The following ARHGAP10 variants were observed in gnomAD, a reference collection of about 807,000 sequenced individuals.
ARHGAP10 encodes rho GTPase-activating protein 10.
ARHGAP10 carries 87 observed loss-of-function variants against 108.6 expected under a neutral mutation model. The ratio of observed to expected loss-of-function variants is 0.80; its 90% CI spans 0.67 to 0.96. The LOEUF (loss-of-function observed/expected upper bound fraction) is 0.96, where lower values mean the gene tolerates loss of function less well. Among genes scored for constraint, ARHGAP10 ranks in the 40% least tolerant of loss-of-function variants. The pLI is 0.00. For synonymous variants in ARHGAP10, 347 were observed against 341.1 expected (o/e 1.02, Z -0.19); for missense variants, 939 against 954.5 (o/e 0.98, Z 0.21).
chr4:147,990,667 A>C (rs543963171), intron 18 of ARHGAP10, among the ~76,000 whole-genome samples: 4 of 152,220 alleles, frequency 2.6e-5, no homozygotes, highest in Non-Finnish European at 5.9e-5. Context: ...TAAGTGAACT[A>C]ACATAGGAAC....
At chr4:147,900,434 G>A (rs772937721) in intron 10 of ARHGAP10, among the ~76,000 whole-genome samples, 1 of 152,136 alleles carries the variant, frequency 6.6e-6, no homozygotes, top group Non-Finnish European at 1.5e-5. Flanking sequence ...AGATTATCCT[G>A]GCAGCTTGCC....
rs1399748184 is a variant in ARHGAP10, at chr4:147,912,586, T to G, written c.1163-488T>G. On this transcript the variant is annotated intron_variant, in intron 12 of 22. Transcript: ENST00000336498. ...ATATATATATATATATATATATATA[T>G]ATATATATATATAAAATTCCTGTGT... 3.4e-4 allele frequency among the ~76,000 whole-genome samples: 40 copies of G among 118,838 alleles called. 1 individual carries two copies. The highest frequency in any genetic ancestry group is 4.0e-4 in the Non-Finnish European group (25 of 62,000). The allele number at this position is 118,838 out of a possible 152,430, so 78.0% of individuals were successfully genotyped here. A position where few individuals can be genotyped will look rare whatever the true frequency, so the allele number is the denominator to read the frequency against.
intron 1 of ARHGAP10, among the ~76,000 whole-genome samples, chr4:147,735,663 G>C (rs1728386282): frequency 6.6e-6 from 1 of 152,212 alleles, no homozygotes; most frequent in Non-Finnish European, 1.5e-5. Context: ...AGATGGTTTA[G>C]AGACAGTATC....
At chr4:147,885,094 T>G (rs1190716005) in intron 10 of ARHGAP10, among the ~76,000 whole-genome samples, 2 of 151,624 alleles carry the variant, frequency 1.3e-5, no homozygotes, top group African/African-American at 2.4e-5. Context: ...GGGGAAGGTT[T>G]CTGGCTTGAG....
intron 3 of ARHGAP10, among the ~76,000 whole-genome samples, chr4:147,839,656 C>G (rs1029160483): frequency 1.3e-5 from 2 of 152,192 alleles, no homozygotes; most frequent in Non-Finnish European, 2.9e-5. Flanking sequence ...GACATCAGAA[C>G]TTAGACTTTG....
intron 10 of ARHGAP10, among the ~76,000 whole-genome samples, chr4:147,903,587 C>A (rs1266146278): frequency 6.6e-6 from 1 of 152,162 alleles, no homozygotes; most frequent in African/African-American, 2.4e-5. Context: ...TTTCACTGCC[C>A]TAAAAATCTT....
chr4:148,068,688 C>T (rs750895759), intron 22 of ARHGAP10, among the ~76,000 whole-genome samples: 7 of 152,164 alleles, frequency 4.6e-5, no homozygotes, highest in Non-Finnish European at 5.9e-5. Flanking sequence ...CTGGTTGCCT[C>T]GGGGTGGGAG....
At position 147,744,423 on chromosome 4, in the gene ARHGAP10, A is replaced by G. The variant is rs567908770; in HGVS notation, c.154+11968A>G. Among the ~76,000 whole-genome samples, 4 of 152,108 alleles carry G rather than the reference A, an allele frequency of 2.6e-5. No homozygotes were observed. In the East Asian group the frequency reaches 5.8e-4, roughly 22 times the overall value. ...AAGAAGGCCCTTGGAAAGCAGGTTG[A>G]GGGCTTTACTCTAAGGACAGTAGGA... is the stretch of plus-strand genomic sequence containing the variant. On this transcript the variant is annotated intron_variant, in intron 1 of 22. Coordinates refer to ENST00000336498, the MANE Select transcript of ARHGAP10 (RefSeq NM_024605.4).
intron 13 of ARHGAP10, among the ~76,000 whole-genome samples, chr4:147,929,044 A>T (rs1372042797): frequency 6.6e-6 from 1 of 152,208 alleles, no homozygotes; most frequent in Admixed American, 6.5e-5. Context: ...TTAACTTGTA[A>T]TAATTTATAT....
At chr4:147,896,364 T>C (rs1444167007) in intron 10 of ARHGAP10, among the ~76,000 whole-genome samples, 4 of 152,212 alleles carry the variant, frequency 2.6e-5, no homozygotes, top group Non-Finnish European at 5.9e-5. Flanking sequence ...AAATTTTAAA[T>C]TCATTTTATT....
chr4:148,064,510 A>T lies in ARHGAP10; in HGVS notation c.2272+3A>T. 6.2e-7 allele frequency: 1 copy of T among 1,613,392 alleles called. No individual in the cohort carries two copies. The highest frequency in any genetic ancestry group is 8.5e-7 in the Non-Finnish European group (1 of 1,179,320). On this transcript the variant is annotated splice_donor_region_variant and intron_variant, in intron 22 of 22. Transcript: ENST00000336498. ...AATAGGAGCAATTTTTGAGGATGGTAAGTGTTAGTGGGAGCTTCGTCTGTT... is the reference window on the plus strand; with the variant it reads ...AATAGGAGCAATTTTTGAGGATGGTTAGTGTTAGTGGGAGCTTCGTCTGTT...
chr4:147,978,034 A>G (rs1164176135), intron 18 of ARHGAP10, among the ~76,000 whole-genome samples: 1 of 152,164 alleles, frequency 6.6e-6, no homozygotes, highest in African/African-American at 2.4e-5. Flanking sequence ...CGTGGTGTAT[A>G]TGTACCACAT....
chr4:148,060,220 G>A (rs975694300), intron 20 of ARHGAP10, among the ~76,000 whole-genome samples: 11 of 151,818 alleles, frequency 7.2e-5, no homozygotes, highest in Non-Finnish European at 1.2e-4. Flanking sequence ...TTCCTCTACC[G>A]TTTTTTGAGA....
At chr4:147,921,301 C>G (rs561673474) in intron 13 of ARHGAP10, among the ~76,000 whole-genome samples, 1 of 152,166 alleles carries the variant, frequency 6.6e-6, no homozygotes, top group African/African-American at 2.4e-5. Flanking sequence ...GATCTCATAA[C>G]GTATATCAGG....
rs558149671 is a variant in ARHGAP10 at position 148,047,036 on chromosome 4, A to T, written c.2012A>T (p.Asp671Val). 6.2e-7 allele frequency: 1 copy of T among 1,614,104 alleles called. No individual in the cohort carries two copies. Among genetic ancestry groups the T allele is most frequent in the Admixed American group, 1.7e-5 (1 of 60,004 alleles). Residue 671 changes from aspartate (D) to valine (V), a missense_variant, in exon 20 of 23, where the codon GAC (aspartate) becomes GTC (valine). Transcript: ENST00000336498. ...HLLADGGSFG[D>V]WASTIPGQTR... is the part of the protein sequence containing the mutation. ...CTGGCAGATGGAGGGAGCTTTGGAGACTGGGCATCCACTATGTAAGTAACC... is the reference window on the plus strand; with the variant it reads ...CTGGCAGATGGAGGGAGCTTTGGAGTCTGGGCATCCACTATGTAAGTAACC...
intron 1 of ARHGAP10, among the ~76,000 whole-genome samples, chr4:147,791,716 CT>C (rs1423499683): frequency 1.3e-5 from 2 of 152,090 alleles, no homozygotes; most frequent in African/African-American, 4.8e-5. Context: ...TCCCGAGTAG[CT>C]GAGATTATAG....
rs968685715 is a variant in ARHGAP10, at chr4:147,782,007, G to A, written c.155-40720G>A. On this transcript the variant is annotated intron_variant, in intron 1 of 22. Coordinates refer to ENST00000336498, the MANE Select transcript of ARHGAP10 (RefSeq NM_024605.4). Reference sequence around the variant, plus strand: ...TAAAATAAGTGGCTTTTAAAAAGTCGCTGAATAGTTTTACCGCTTAGTATG... The same window carrying A: ...TAAAATAAGTGGCTTTTAAAAAGTCACTGAATAGTTTTACCGCTTAGTATG... Among the ~76,000 whole-genome samples, 3 of 152,098 alleles carry A rather than the reference G, an allele frequency of 2.0e-5. No individual in the cohort carries two copies. In the East Asian group the frequency reaches 5.8e-4, roughly 29 times the overall value.
At chr4:147,877,278 C>T (rs1735113103) in intron 8 of ARHGAP10, among the ~76,000 whole-genome samples, 1 of 151,714 alleles carries the variant, frequency 6.6e-6, no homozygotes, top group Admixed American at 6.6e-5. Context: ...TTTTTGTCAA[C>T]CATAGAACAC....
At chr4:147,968,506 G>A (rs993228874) in intron 18 of ARHGAP10, among the ~76,000 whole-genome samples, 4 of 152,324 alleles carry the variant, frequency 2.6e-5, no homozygotes, top group Admixed American at 1.3e-4. Flanking sequence ...TGTTCTAACA[G>A]TTTCAGTGGG....
Sources: gnomAD v4.1 joint callset for allele counts (sites outside exome capture counted in the v4.1 genomes callset) on GRCh38, gnomAD v4.1.1 for gene constraint, MANE v1.5 for transcripts, NCBI Gene and HGNC (gene_info 2026-07-23, HGNC 2026-07-21) for gene names.